The following EPB41L5 variants were observed in gnomAD, a reference collection of about 807,000 sequenced individuals.
EPB41L5 encodes the protein erythrocyte membrane protein band 4.1 like 5.
A neutral mutation model predicts 106.6 loss-of-function variants in EPB41L5; 55 were observed. The ratio of observed to expected loss-of-function variants is 0.52; its 90% CI spans 0.42 to 0.65. The LOEUF is 0.65. Ranked by LOEUF, EPB41L5 falls within the 30% of genes least tolerant of loss-of-function variation. The pLI, the probability that EPB41L5 is intolerant of heterozygous loss-of-function variation, is 0.00. For missense variants in EPB41L5, 871 were observed against 882.1 expected, an observed-to-expected ratio of 0.99 and a Z score of 0.16; for synonymous variants, 297 against 306.7, an observed-to-expected ratio of 0.97 and a Z score of 0.33.
chr2:120,026,257 A>G (rs1180450982), intron 2 of EPB41L5, among the ~76,000 whole-genome samples: 1 of 152,236 alleles, frequency 6.6e-6, no homozygotes, highest in East Asian at 1.9e-4. Flanking sequence ...ATGCATGTAT[A>G]TAATGTGTAA....
chr2:120,135,445 T>C (rs1407983411), intron 18 of EPB41L5, among the ~76,000 whole-genome samples: 2 of 152,182 alleles, frequency 1.3e-5, no homozygotes, highest in African/African-American at 4.8e-5. Flanking sequence ...AAGAAGGATA[T>C]AGAACGCCAA....
rs756716736 is a variant in EPB41L5, at chr2:120,075,476, GTATT to G, written c.414_417del (p.Val140PhefsTer3). 6.3e-7 allele frequency: 1 copy of G among 1,576,808 alleles called. No individual in the cohort carries two copies. Among genetic ancestry groups the G allele is most frequent in the South Asian group, 1.1e-5 (1 of 89,130 alleles). ...AATTTGTGCCTTTCATTTTTCTTAGGTATTTATTTGTTCTTCAGTTAAAACAAGA... is the reference window on the plus strand; with the variant it reads ...AATTTGTGCCTTTCATTTTTCTTAGGTATTTGTTCTTCAGTTAAAACAAGA... On this transcript the variant is annotated frameshift_variant and splice_region_variant, in exon 6 of 25. Transcript: ENST00000263713. LOFTEE classifies it high-confidence loss of function.
chr2:120,164,781 T>TG lies in EPB41L5; in HGVS notation c.1888-55_1888-54insG, dbSNP rs200430200. ...AAATTGAGAGGATATGGAAAAAACTTAACATCTGATGATAAAGGGGTCATT... is the reference window on the plus strand; with the variant it reads ...AAATTGAGAGGATATGGAAAAAACTTGAACATCTGATGATAAAGGGGTCATT... On this transcript the variant is annotated intron_variant, in intron 21 of 24. Coordinates refer to ENST00000263713, the MANE Select transcript of EPB41L5 (RefSeq NM_020909.4). The TG allele has an allele frequency of 5.0e-3, 6,506 of 1,306,368 alleles. 24 individuals are homozygous for TG. Among genetic ancestry groups the TG allele is most frequent in the Middle Eastern group, 9.6e-3 (50 of 5,198 alleles). The allele number at this position is 1,306,368 out of a possible 1,614,324, so 80.9% of individuals were successfully genotyped here. A position where few individuals can be genotyped will look rare whatever the true frequency, so the allele number is the denominator to read the frequency against.
At chr2:120,061,254 G>A (rs865802289) in intron 3 of EPB41L5, among the ~76,000 whole-genome samples, 2 of 139,916 alleles carry the variant, frequency 1.4e-5, no homozygotes, top group Admixed American at 7.3e-5. Context: ...ACGGAGTCTC[G>A]CTCTGTCGCC....
chr2:120,058,129 A>T (rs1038617234), intron 3 of EPB41L5, among the ~76,000 whole-genome samples: 5 of 151,646 alleles, frequency 3.3e-5, no homozygotes, highest in Non-Finnish European at 5.9e-5. Flanking sequence ...TCTCTCATTT[A>T]AAAAAAAATC....
intron 18 of EPB41L5, among the ~76,000 whole-genome samples, chr2:120,140,246 T>C (rs1021404437): frequency 2.0e-5 from 3 of 151,960 alleles, no homozygotes; most frequent in Admixed American, 6.6e-5. Flanking sequence ...TTTGATAGCA[T>C]AACAGGGTGA....
At chr2:120,071,196 A>G (rs1408590656) in intron 3 of EPB41L5, among the ~76,000 whole-genome samples, 1 of 152,198 alleles carries the variant, frequency 6.6e-6, no homozygotes, top group Non-Finnish European at 1.5e-5. Context: ...CACCAATAAC[A>G]GAGAGCCAAA....
At chr2:120,018,515 T>A (rs1381990086) in intron 1 of EPB41L5, among the ~76,000 whole-genome samples, 1 of 152,212 alleles carries the variant, frequency 6.6e-6, no homozygotes, top group Non-Finnish European at 1.5e-5. Flanking sequence ...CTTTTTAAAT[T>A]AATTAATTTA....
At chr2:120,104,579 C>G in intron 16 of EPB41L5, 1 of 1,000,314 alleles carries the variant, frequency 1.0e-6, no homozygotes, top group Non-Finnish European at 1.2e-6. Flanking sequence ...ATTATTCCCC[C>G]ACCACATGCC....
chr2:120,071,394 G>A (rs1681854581), intron 3 of EPB41L5, among the ~76,000 whole-genome samples: 1 of 152,124 alleles, frequency 6.6e-6, no homozygotes, highest in African/African-American at 2.4e-5. Flanking sequence ...TCATGAAAAT[G>A]GCCATACTGC....
At chr2:120,164,992 T>C (rs1687326988) in intron 22 of EPB41L5, 82 bp downstream of exon 22, 1 of 1,054,690 alleles carries the variant, frequency 9.5e-7, no homozygotes. Flanking sequence ...TTTTTCCTTT[T>C]TAATAATTCA....
chr2:120,142,919 G>T, intron 18 of EPB41L5, 84 bp from the exon 19 acceptor site: 1 of 1,237,138 alleles, frequency 8.1e-7, no homozygotes, highest in Non-Finnish European at 1.1e-6. Context: ...ATTGTCTGCA[G>T]ATGAACTTTC....
chr2:120,040,300 G>A (rs1679323410), intron 2 of EPB41L5, among the ~76,000 whole-genome samples: 1 of 152,124 alleles, frequency 6.6e-6, no homozygotes, highest in South Asian at 2.1e-4. Flanking sequence ...TGAAATTAAA[G>A]AGTCTAAAAG....
rs1188572990 is a variant in EPB41L5 at position 120,100,753 on chromosome 2, G to A, written c.1276G>A (p.Val426Met). Residue 426 changes from valine to methionine, a missense_variant, in exon 16 of 25, where the codon GTG becomes ATG. Physicochemically the swap from Val to Met is conservative, Grantham distance 21. Coordinates refer to ENST00000263713, the MANE Select transcript of EPB41L5 (RefSeq NM_020909.4). ...GAGTCCTTCCATTTCCTCTGCTCCTGTGCCAGTGGAGATAGAGAATCTTCC... is the reference window on the plus strand; with the variant it reads ...GAGTCCTTCCATTTCCTCTGCTCCTATGCCAGTGGAGATAGAGAATCTTCC... Reference protein sequence around the residue: ...PVSPSISSAPVPVEIENLPQS... With the variant: ...PVSPSISSAPMPVEIENLPQS... The A allele has an allele frequency of 1.2e-6, 2 of 1,613,568 alleles. No individual in the cohort carries two copies. Among genetic ancestry groups the A allele is most frequent in the African/African-American group, 1.3e-5 (1 of 74,900 alleles).
intron 16 of EPB41L5, among the ~76,000 whole-genome samples, chr2:120,116,473 A>G (rs1242872458): frequency 6.6e-6 from 1 of 152,134 alleles, no homozygotes; most frequent in Non-Finnish European, 1.5e-5. Flanking sequence ...TAAACATGAA[A>G]ATAATGTTTC....
intron 16 of EPB41L5, among the ~76,000 whole-genome samples, chr2:120,101,030 G>GC (rs1684112492): frequency 6.6e-6 from 1 of 152,322 alleles, no homozygotes; most frequent in African/African-American, 2.4e-5. Context: ...CCATCAGACA[G>GC]CTGTCCTTAC....
intron 10 of EPB41L5, 32 bp downstream of exon 10, chr2:120,078,613 T>C: frequency 6.7e-7 from 1 of 1,482,374 alleles, no homozygotes; most frequent in East Asian, 2.3e-5. Flanking sequence ...AGATACTTAC[T>C]GTTGTTTTGG....
At chr2:120,086,151 A>G (rs1322186574) in intron 10 of EPB41L5, among the ~76,000 whole-genome samples, 7 of 152,154 alleles carry the variant, frequency 4.6e-5, no homozygotes, top group African/African-American at 1.4e-4. Flanking sequence ...TAGTGAGCCA[A>G]GATCACGCCA....
At chr2:120,074,366 C>A in intron 5 of EPB41L5, 188 bp downstream of exon 5, 1 of 515,152 alleles carries the variant, frequency 1.9e-6, no homozygotes. Context: ...TTAGCATTTT[C>A]AAAATAAAGA....
Sources: allele counts gnomAD v4.1 joint callset (sites outside exome capture counted in the v4.1 genomes callset), GRCh38; gene constraint gnomAD v4.1.1; transcripts MANE v1.5; gene names NCBI Gene and HGNC (gene_info 2026-07-23, HGNC 2026-07-21).